NSD1: variants seen among roughly 807,000 people sequenced by gnomAD.
NSD1 encodes histone-lysine N-methyltransferase, H3 lysine-36 specific.
NSD1 carries 26 observed loss-of-function variants against 242.7 expected under a neutral mutation model. The observed-to-expected ratio is 0.11, with a 90% CI of 0.08 to 0.15. The LOEUF (loss-of-function observed/expected upper bound fraction) is 0.15. Among genes scored for constraint, NSD1 ranks in the 10% least tolerant of loss-of-function variants. The pLI, the probability that NSD1 is intolerant of heterozygous loss-of-function variation, is 1.00. For synonymous variants in NSD1, 1,106 were observed against 1,178.1 expected (o/e 0.94, Z 1.25); for missense variants, 2,495 against 3,272.8 (o/e 0.76, Z 5.80).
intron 2 of NSD1, among the ~76,000 whole-genome samples, chr5:177,174,736 T>C (rs1760041004): frequency 6.7e-6 from 1 of 149,666 alleles, no homozygotes; most frequent in South Asian, 2.1e-4. Context: ...TTTTTCTTTG[T>C]ATTTTTGGTA....
intron 2 of NSD1, among the ~76,000 whole-genome samples, chr5:177,153,691 C>T (rs549859008): frequency 9.9e-5 from 15 of 152,048 alleles, no homozygotes; most frequent in African/African-American, 3.6e-4. Context: ...TTTATTGATT[C>T]AAAGCTTATT....
chr5:177,252,524 CTAAAG>C (rs1756055356), intron 12 of NSD1, among the ~76,000 whole-genome samples: 1 of 141,848 alleles, frequency 7.0e-6, no homozygotes, highest in Non-Finnish European at 1.5e-5. Context: ...TAAAGCTGCG[CTAAAG>C]TAAAGTGTTC....
At chr5:177,192,080 GT>G in intron 3 of NSD1, 61 bp downstream of exon 3, 1 of 1,405,442 alleles carries the variant, frequency 7.1e-7, no homozygotes, top group Non-Finnish European at 9.8e-7. Context: ...CTCAATTTTT[GT>G]TATCTTAATA....
intron 3 of NSD1, among the ~76,000 whole-genome samples, chr5:177,202,862 T>G (rs1762609025): frequency 6.6e-6 from 1 of 152,130 alleles, no homozygotes; most frequent in South Asian, 2.1e-4. Flanking sequence ...GTTTTTAAAA[T>G]GAACCAGACA....
chr5:177,265,309 AAAT>A, intron 14 of NSD1: 1 of 646,868 alleles, frequency 1.5e-6, no homozygotes, highest in Admixed American at 2.7e-5. Flanking sequence ...GCATGGGAAT[AAAT>A]TATATATAAA....
At position 177,210,369 on chromosome 5, in the gene NSD1, A is replaced by G; in HGVS notation, c.1970A>G (p.Glu657Gly). 1.2e-6 allele frequency: 2 copies of G among 1,614,208 alleles called. No homozygotes were observed. The highest frequency in any genetic ancestry group is 1.7e-6 in the Non-Finnish European group (2 of 1,180,038). The part of the protein sequence containing the change: ...SDLDPIEHSS[E>G]SDNSVLEIPD... Reference sequence around the variant, plus strand: ...CTGGATCCCATAGAACACAGCTCAGAGTCTGATAACAGTGTCCTTGAAATT... The same window carrying G: ...CTGGATCCCATAGAACACAGCTCAGGGTCTGATAACAGTGTCCTTGAAATT... The change falls in exon 5 of 23, where the codon GAG becomes GGG. Residue 657 changes from glutamate (E) to glycine (G), a missense_variant. This residue lies in a region of NSD1 where 515 missense variants were observed against 467.0 expected (regional missense o/e 1.10). Transcript: ENST00000439151.
intron 14 of NSD1, chr5:177,266,324 G>A (rs1757456255): frequency 1.4e-6 from 1 of 721,404 alleles, no homozygotes; most frequent in East Asian, 2.9e-5. Context: ...CGCATAATCA[G>A]AGCTACTGGA....
At chr5:177,266,525 C>T (rs1757481767) in intron 14 of NSD1, 2 of 642,270 alleles carry the variant, frequency 3.1e-6, no homozygotes, top group Admixed American at 2.4e-5. Flanking sequence ...TTCGGCTTCT[C>T]GCTGCTTTCC....
chr5:177,132,540 G>A (rs1033135819), upstream of NSD1, among the ~76,000 whole-genome samples: 4 of 151,898 alleles, frequency 2.6e-5, no homozygotes, highest in Admixed American at 6.6e-5. The surrounding 1 kb of genome is among the most constrained non-coding windows in gnomAD (Gnocchi z 7.5). Flanking sequence ...CTGGGCTCGG[G>A]GGTGGTGAGG....
intron 19 of NSD1, 110 bp from the exon 20 acceptor site, chr5:177,283,677 G>A (rs1759073685): frequency 8.1e-7 from 1 of 1,230,764 alleles, no homozygotes; most frequent in African/African-American, 1.5e-5. Context: ...TTCTCTGAGA[G>A]GTTCAGTCTT....
chr5:177,158,044 G>C (rs1309692164), intron 2 of NSD1, among the ~76,000 whole-genome samples: 1 of 152,174 alleles, frequency 6.6e-6, no homozygotes, highest in Non-Finnish European at 1.5e-5. Flanking sequence ...GCTGTTACAG[G>C]CAGTGCTACT....
chr5:177,187,383 G>C (rs1003177998), intron 2 of NSD1, among the ~76,000 whole-genome samples: 15 of 151,950 alleles, frequency 9.9e-5, no homozygotes, highest in African/African-American at 3.1e-4. Context: ...GGGATTACAG[G>C]CATGAGCCAC....
intron 17 of NSD1, among the ~76,000 whole-genome samples, chr5:177,280,037 TCTCA>T: frequency 6.6e-6 from 1 of 150,570 alleles, no homozygotes; most frequent in Middle Eastern, 3.4e-3. Context: ...AGAGACCGAG[TCTCA>T]CTCTGTTGCC....
intron 15 of NSD1, among the ~76,000 whole-genome samples, chr5:177,268,882 T>G (rs1757729293): frequency 6.6e-6 from 1 of 152,210 alleles, no homozygotes; most frequent in South Asian, 2.1e-4. Context: ...TCTAGTTCAC[T>G]TATCCATTTT....
intron 17 of NSD1, among the ~76,000 whole-genome samples, chr5:177,277,142 T>C (rs1758459657): frequency 6.6e-6 from 1 of 152,166 alleles, no homozygotes; most frequent in East Asian, 1.9e-4. Flanking sequence ...TTTTTTTTTT[T>C]TTTAATAAAC....
intron 18 of NSD1, among the ~76,000 whole-genome samples, chr5:177,282,039 G>A (rs917211419): frequency 1.4e-4 from 22 of 152,218 alleles, no homozygotes; most frequent in Non-Finnish European, 5.9e-5. Context: ...CGTGTGAAAA[G>A]CCAGAGTGAC....
At chr5:177,195,083 C>T (rs146236145) in intron 3 of NSD1, among the ~76,000 whole-genome samples, 19 of 151,978 alleles carry the variant, frequency 1.3e-4, no homozygotes, top group African/African-American at 4.6e-4. Flanking sequence ...TGCTTGAGCC[C>T]GGGATGTGGA....
intron 2 of NSD1, among the ~76,000 whole-genome samples, chr5:177,173,483 T>G (rs1231899135): frequency 6.3e-5 from 9 of 142,980 alleles, no homozygotes; most frequent in Admixed American, 2.8e-4. Flanking sequence ...TTTTTTTTTT[T>G]TTTTTTTGCG....
rs1763212012 is a variant in NSD1 at position 177,210,086 on chromosome 5, A to G, written c.1687A>G (p.Thr563Ala). Residue 563 changes from threonine to alanine, a missense_variant, in exon 5 of 23, where the codon ACT becomes GCT. This residue lies in a region of NSD1 where 515 missense variants were observed against 467.0 expected (regional missense o/e 1.10). Coordinates refer to ENST00000439151, the MANE Select transcript of NSD1 (RefSeq NM_022455.5). ...AGCAAATAGCCTCACAGGGTCCAAC[A>G]CTGCCCCAGGAAGTTTTCTGTTTTC... The part of the protein sequence containing the change: ...RIANSLTGSN[T>A]APGSFLFSSC... The G allele has an allele frequency of 6.2e-7, 1 of 1,613,644 alleles. No individual in the cohort carries two copies. The highest frequency in any genetic ancestry group is 8.5e-7 in the Non-Finnish European group (1 of 1,179,898).
Sources: gnomAD v4.1 joint callset for allele counts (sites outside exome capture counted in the v4.1 genomes callset) on GRCh38, gnomAD v4.1.1 for gene constraint, gnomAD v4.1.1 regional missense constraint, Gnocchi (gnomAD v3.1) non-coding constraint, MANE v1.5 for transcripts, NCBI Gene and HGNC (gene_info 2026-07-23, HGNC 2026-07-21) for gene names.